LARP4B: variants seen among roughly 807,000 people sequenced by gnomAD.
LARP4B encodes the protein la-related protein 4B.
A neutral mutation model predicts 89.8 loss-of-function variants in LARP4B; 12 were observed. The ratio of observed to expected loss-of-function variants is 0.13; its 90% CI spans 0.09 to 0.22. The LOEUF is 0.22. Ranked by LOEUF, LARP4B falls within the 10% of genes least tolerant of loss-of-function variation. The pLI is 1.00. For synonymous variants in LARP4B, 367 were observed against 363.3 expected (o/e 1.01, Z -0.12); for missense variants, 757 against 947.7 (o/e 0.80, Z 2.64).
At chr10:821,049 G>A (rs375743686) in intron 13 of LARP4B, 3 of 573,574 alleles carry the variant, frequency 5.2e-6, no homozygotes. Flanking sequence ...AGGGACTAAC[G>A]TGGAAGTCCA....
At chr10:891,980 C>A (rs573834740) in intron 1 of LARP4B, among the ~76,000 whole-genome samples, 5 of 152,170 alleles carry the variant, frequency 3.3e-5, no homozygotes, top group Non-Finnish European at 5.9e-5. Flanking sequence ...GTTCAAGAGA[C>A]CTAAAATATT....
chr10:946,048 C>T, the LARP4B span, among the ~76,000 whole-genome samples: 2 of 152,184 alleles, frequency 1.3e-5, no homozygotes, highest in Non-Finnish European at 2.9e-5. Context: ...TAGACTTGTA[C>T]CCCATGCAGC....
At chr10:915,832 C>CAA (rs71297915) in intron 1 of LARP4B, among the ~76,000 whole-genome samples, 17,547 of 74,834 alleles carry the variant, frequency 0.23, 1,635 homozygotes, top group Non-Finnish European at 0.31. Context: ...GACTCCGCCT[C>CAA]AAAAAAAAAA....
intron 3 of LARP4B, among the ~76,000 whole-genome samples, chr10:878,833 T>C (rs1217719696): frequency 6.6e-6 from 1 of 152,172 alleles, no homozygotes; most frequent in East Asian, 1.9e-4. Flanking sequence ...TTAATAGCAA[T>C]TAAACTGAAT....
the LARP4B span, chr10:972,967 C>T: frequency 1.4e-4 from 63 of 436,028 alleles, no homozygotes; most frequent in African/African-American, 4.0e-4. Context: ...AGTTCCTCCC[C>T]GTGCAGTAGG....
the LARP4B span, among the ~76,000 whole-genome samples, chr10:982,317 C>T: frequency 1.3e-5 from 2 of 152,164 alleles, no homozygotes; most frequent in Middle Eastern, 6.8e-3. Context: ...GTCTCGAACT[C>T]CTGACCTCCA....
intron 8 of LARP4B, 48 bp downstream of exon 8, chr10:836,355 G>C: frequency 7.7e-7 from 1 of 1,297,400 alleles, no homozygotes; most frequent in Non-Finnish European, 1.1e-6. Flanking sequence ...AACCAACAAA[G>C]ACCTTTGGGA....
chr10:984,459 A>C, the LARP4B span, among the ~76,000 whole-genome samples: 1 of 152,238 alleles, frequency 6.6e-6, no homozygotes, highest in Admixed American at 6.5e-5. Flanking sequence ...GAATGTTTTT[A>C]ACAGTGTGTC....
At position 931,417 on chromosome 10, in the gene LARP4B, G is replaced by C. The variant is rs1422315251; in HGVS notation, c.-40+11C>G. The stretch of plus-strand genomic sequence containing the variant: ...GGGAGGGACGGCCCGCCGCGGCCCA[G>C]GGTGCCTCACCTGTCAGCGCCGCCG... On this transcript the variant is annotated intron_variant, in intron 1 of 17. Coordinates refer to ENST00000316157, the MANE Select transcript of LARP4B (RefSeq NM_015155.3). 2.0e-5 allele frequency: 3 copies of C among 147,532 alleles called. No individual in the cohort carries two copies. Among genetic ancestry groups the C allele is most frequent in the African/African-American group, 7.4e-5 (3 of 40,796 alleles). The allele number at this position is 147,532 out of a possible 1,614,324, so 9.1% of individuals were successfully genotyped here. A position where few individuals can be genotyped will look rare whatever the true frequency, so the allele number is the denominator to read the frequency against.
chr10:821,186 A>C (rs118183007), intron 13 of LARP4B, among the ~76,000 whole-genome samples: 2,955 of 152,336 alleles, frequency 0.019, 39 homozygotes, highest in South Asian at 0.059. Context: ...ATAAAATCTG[A>C]GACTGAGCTC....
chr10:837,540 T>C (rs1173906374), intron 7 of LARP4B, among the ~76,000 whole-genome samples: 1 of 152,258 alleles, frequency 6.6e-6, no homozygotes, highest in Non-Finnish European at 1.5e-5. Context: ...GTTCTGAACC[T>C]ACTTTAAGAC....
chr10:918,872 C>T lies in LARP4B; in HGVS notation c.-40+12556G>A, dbSNP rs371020185. Reference sequence around the variant, plus strand: ...TGGGTGGATCACGAGGTCAGGAGATCGCAACCATCCTGGCTAACACGGTGA... The same window carrying T: ...TGGGTGGATCACGAGGTCAGGAGATTGCAACCATCCTGGCTAACACGGTGA... On this transcript the variant is annotated intron_variant, in intron 1 of 17. Transcript: ENST00000316157. 5.9e-5 allele frequency among the ~76,000 whole-genome samples: 9 copies of T among 151,964 alleles called. 1 individual carries two copies. Among genetic ancestry groups the T allele is most frequent in the South Asian group, 4.1e-4 (2 of 4,820 alleles).
intron 1 of LARP4B, among the ~76,000 whole-genome samples, chr10:907,012 A>C (rs193256684): frequency 6.6e-6 from 1 of 152,326 alleles, no homozygotes; most frequent in Admixed American, 6.5e-5. Flanking sequence ...CACCAGGATA[A>C]AGTGAAAAGA....
the LARP4B span, among the ~76,000 whole-genome samples, chr10:983,210 ACT>A: frequency 6.6e-6 from 1 of 152,226 alleles, no homozygotes. Flanking sequence ...TTTACAGATA[ACT>A]CTGTTATTCT....
chr10:924,354 G>T (rs1837076516), intron 1 of LARP4B: 1 of 152,180 alleles, frequency 6.6e-6, no homozygotes, highest in African/African-American at 2.4e-5. Context: ...ATGAAGAGAG[G>T]TGTACACAAG....
intron 9 of LARP4B, among the ~76,000 whole-genome samples, 188 bp from the exon 10 acceptor site, chr10:829,922 G>A (rs537556930): frequency 3.9e-5 from 6 of 152,142 alleles, no homozygotes; most frequent in Non-Finnish European, 4.4e-5. Context: ...GCTATGGAAC[G>A]TGTACCCCAA....
chr10:926,897 G>T (rs970071932), intron 1 of LARP4B, among the ~76,000 whole-genome samples: 6 of 152,170 alleles, frequency 3.9e-5, no homozygotes, highest in Admixed American at 3.9e-4. Context: ...TTAGCCGGGC[G>T]TGGTGGCACG....
the LARP4B span, among the ~76,000 whole-genome samples, chr10:940,944 G>C: frequency 6.1e-4 from 93 of 152,334 alleles, no homozygotes; most frequent in East Asian, 0.018. Context: ...CACAGACTCA[G>C]CTGGAGAGGT....
chr10:930,836 C>G (rs1473292254), intron 1 of LARP4B, among the ~76,000 whole-genome samples: 2 of 152,120 alleles, frequency 1.3e-5, no homozygotes, highest in Non-Finnish European at 2.9e-5. Context: ...CCCTGATGAC[C>G]CGTCCCGCCC....
Sources: gnomAD v4.1 joint callset for allele counts (sites outside exome capture counted in the v4.1 genomes callset) on GRCh38, gnomAD v4.1.1 for gene constraint, MANE v1.5 for transcripts, NCBI Gene and HGNC (gene_info 2026-07-23, HGNC 2026-07-21) for gene names.